UVSSA: variants seen among roughly 807,000 people sequenced by gnomAD.
The protein encoded by UVSSA is UV stimulated scaffold protein A, also known as UV-stimulated scaffold protein A.
UVSSA carries 72 observed loss-of-function variants against 73.9 expected under a neutral mutation model. That is an observed-to-expected ratio of 0.97 (90% CI 0.81 to 1.19). The LOEUF (loss-of-function observed/expected upper bound fraction) is 1.19, where lower values mean the gene tolerates loss of function less well. Among genes scored for constraint, UVSSA ranks in the 50% most tolerant of loss-of-function variants. UVSSA has a pLI of 0.00. For synonymous variants in UVSSA, 454 were observed against 391.3 expected, an observed-to-expected ratio of 1.16 and a Z score of -1.89; for missense variants, 1,150 against 965.0, an observed-to-expected ratio of 1.19 and a Z score of -2.54.
intron 10 of UVSSA, 108 bp from the exon 11 acceptor site, chr4:1,379,939 G>C: frequency 7.5e-7 from 1 of 1,331,758 alleles, no homozygotes; most frequent in South Asian, 1.4e-5. Context: ...CAGTGTTGGG[G>C]TGGCTGGGCT....
chr4:1,392,044 T>A (rs1026615721), downstream of UVSSA: 1 of 152,258 alleles, frequency 6.6e-6, no homozygotes, highest in East Asian at 1.9e-4. Flanking sequence ...AATGGACATT[T>A]AATTCTCTTG....
In UVSSA at chr4:1,349,609, T is replaced by C; in HGVS notation, c.184T>C (p.Phe62Leu). ...GCACGCCGAGATCCGTCTCTCAGCC[T>C]TCCAGATTGTGGAGGAACTCTTCGT... ...QEHAEIRLSA[F>L]QIVEELFVRS... Residue 62 changes from phenylalanine (F) to leucine (L), a missense_variant, in exon 3 of 14, where the codon TTC becomes CTC. By Grantham distance (22) the Phe-to-Leu change is conservative (BLOSUM62 0). Coordinates refer to ENST00000389851, the MANE Select transcript of UVSSA (RefSeq NM_020894.4). 6.2e-7 allele frequency: 1 copy of C among 1,614,114 alleles called. No individual in the cohort carries two copies. Among genetic ancestry groups the C allele is most frequent in the Non-Finnish European group, 8.5e-7 (1 of 1,180,028 alleles).
intron 1 of UVSSA, 77 bp from the exon 2 acceptor site, chr4:1,348,013 C>T (rs1334407830): frequency 4.8e-6 from 6 of 1,255,108 alleles, no homozygotes; most frequent in Non-Finnish European, 5.7e-6. Flanking sequence ...ATAGTGGAAC[C>T]CAGTAAACAC....
At chr4:1,343,623 C>A (rs1248971870), upstream of UVSSA, among the ~76,000 whole-genome samples, 1 of 152,114 alleles carries the variant, frequency 6.6e-6, no homozygotes, top group East Asian at 1.9e-4. Flanking sequence ...CCTGTCTCCA[C>A]TAAAAATACA....
chr4:1,383,493 C>T (rs1394256941), intron 12 of UVSSA, among the ~76,000 whole-genome samples: 4 of 152,184 alleles, frequency 2.6e-5, no homozygotes, highest in African/African-American at 9.6e-5. Flanking sequence ...CATCTCTGGG[C>T]TGCAGGGGCC....
At chr4:1,354,526 G>T (rs1397001040) in intron 5 of UVSSA, 1 of 579,840 alleles carries the variant, frequency 1.7e-6, no homozygotes, top group African/African-American at 1.9e-5. Context: ...TGTGAGGGGA[G>T]GCTTTGGTGT....
chr4:1,370,491 C>A (rs1364454583), intron 8 of UVSSA, among the ~76,000 whole-genome samples: 1 of 152,258 alleles, frequency 6.6e-6, no homozygotes, highest in Non-Finnish European at 1.5e-5. Context: ...CTTTCAGCCC[C>A]TGGGAACCCA....
At chr4:1,365,565 T>C (rs928110410) in intron 7 of UVSSA, among the ~76,000 whole-genome samples, 3 of 152,168 alleles carry the variant, frequency 2.0e-5, no homozygotes, top group Non-Finnish European at 4.4e-5. Flanking sequence ...CTCTCCAGAC[T>C]CAGTGAGGGA....
At chr4:1,354,178 G>A (rs1715274045) in intron 5 of UVSSA, among the ~76,000 whole-genome samples, 1 of 152,240 alleles carries the variant, frequency 6.6e-6, no homozygotes, top group East Asian at 1.9e-4. Flanking sequence ...CCTCAGCAGT[G>A]AGGCTGCAGG....
At chr4:1,379,991 C>G (rs1455856587) in intron 10 of UVSSA, 56 bp from the exon 11 acceptor site, 6 of 1,530,804 alleles carry the variant, frequency 3.9e-6, no homozygotes, top group Non-Finnish European at 5.3e-6. Flanking sequence ...ACCACCGTGG[C>G]CACGCTCTTC....
chr4:1,363,737 C>T (rs182405236), intron 7 of UVSSA, among the ~76,000 whole-genome samples: 4 of 152,278 alleles, frequency 2.6e-5, no homozygotes, highest in Admixed American at 2.6e-4. Context: ...TTGCTCAGCG[C>T]GGGAGTTAAG....
intron 13 of UVSSA, chr4:1,385,607 C>T (rs1720025500): frequency 1.9e-6 from 1 of 514,368 alleles, no homozygotes; most frequent in Non-Finnish European, 3.5e-6. Flanking sequence ...GGGCTGGGGC[C>T]ACCTTCACCG....
intron 7 of UVSSA, among the ~76,000 whole-genome samples, chr4:1,357,357 C>T (rs999531799): frequency 2.0e-5 from 3 of 152,254 alleles, no homozygotes; most frequent in Non-Finnish European, 4.4e-5. Context: ...GCTGGGGCAG[C>T]CAGGTGGCTC....
chr4:1,377,710 C>A (rs1302339185), intron 10 of UVSSA, among the ~76,000 whole-genome samples: 1 of 152,094 alleles, frequency 6.6e-6, no homozygotes, highest in Admixed American at 6.5e-5. Flanking sequence ...CTGGTGAGGA[C>A]CCGGTTAGTC....
downstream of UVSSA, chr4:1,392,825 T>G (rs752590480): frequency 6.6e-6 from 1 of 152,240 alleles, no homozygotes; most frequent in African/African-American, 2.4e-5. Context: ...TATATTGATA[T>G]TGAATGTGGG....
At chr4:1,352,307 C>T (rs926814526) in intron 4 of UVSSA, among the ~76,000 whole-genome samples, 4 of 152,350 alleles carry the variant, frequency 2.6e-5, no homozygotes, top group African/African-American at 4.8e-5. Context: ...GGCGGAGGCA[C>T]GGCCCTGTGT....
In UVSSA at chr4:1,383,879, A is replaced by G; in HGVS notation, c.1975A>G (p.Thr659Ala). ...RGKKRRYPSL[T>A]NLKAQADTAR... ...GAAGAAGAGGAGGTACCCCAGCCTC[A>G]CCAACCTGAAGGCTCAGGCTGATAC... Residue 659 changes from threonine to alanine, a missense_variant, in exon 13 of 14, where the codon ACC (threonine) becomes GCC (alanine). Physicochemically the swap from Thr to Ala is moderately conservative, Grantham distance 58. Transcript: ENST00000389851. The G allele has an allele frequency of 6.2e-7, 1 of 1,613,548 alleles. No homozygotes were observed. The highest frequency in any genetic ancestry group is 1.1e-5 in the South Asian group (1 of 91,086).
intron 12 of UVSSA, among the ~76,000 whole-genome samples, chr4:1,381,348 C>T (rs1719478326): frequency 6.6e-6 from 1 of 152,258 alleles, no homozygotes; most frequent in South Asian, 2.1e-4. Flanking sequence ...GGGCTGAGCC[C>T]AGAGTGGCTT....
intron 12 of UVSSA, among the ~76,000 whole-genome samples, chr4:1,383,418 C>T (rs753816991): frequency 1.5e-4 from 23 of 152,008 alleles, no homozygotes; most frequent in Non-Finnish European, 3.1e-4. Context: ...TGGCCTTAGC[C>T]GCCTTCCAGC....
Sources: gnomAD v4.1 joint callset for allele counts (sites outside exome capture counted in the v4.1 genomes callset) on GRCh38, gnomAD v4.1.1 for gene constraint, MANE v1.5 for transcripts, NCBI Gene and HGNC (gene_info 2026-07-23, HGNC 2026-07-21) for gene names.